ARFGEF3: variants seen among roughly 807,000 people sequenced by gnomAD.
ARFGEF3 encodes ARFGEF family member 3, also known as brefeldin A-inhibited guanine nucleotide-exchange protein 3.
A neutral mutation model predicts 221.7 loss-of-function variants in ARFGEF3; 96 were observed. The ratio of observed to expected loss-of-function variants is 0.43; its 90% CI spans 0.37 to 0.51. ARFGEF3 has a LOEUF of 0.51. ARFGEF3 is among the 20% of genes least tolerant of loss of function. The probability of loss-of-function intolerance (pLI) is 0.00; values close to 1 mark genes in which losing one functional copy is unlikely to be tolerated. For synonymous variants in ARFGEF3, 1,145 were observed against 1,126.8 expected (o/e 1.02, Z -0.32); for missense variants, 2,410 against 2,789.9 (o/e 0.86, Z 3.07).
intron 12 of ARFGEF3, among the ~76,000 whole-genome samples, chr6:138,265,614 G>A (rs1778878483): frequency 6.6e-6 from 1 of 152,030 alleles, no homozygotes; most frequent in Non-Finnish European, 1.5e-5. Flanking sequence ...TTTTGTGCAT[G>A]TTTGTGTCTG....
chr6:138,336,065 A>T (rs1780315856), intron 33 of ARFGEF3, among the ~76,000 whole-genome samples: 2 of 152,168 alleles, frequency 1.3e-5, no homozygotes, highest in South Asian at 4.1e-4. Flanking sequence ...AGTTTGTGAA[A>T]GCTGAAAATA....
At chr6:138,256,493 C>T (rs1263678538) in intron 10 of ARFGEF3, among the ~76,000 whole-genome samples, 2 of 152,116 alleles carry the variant, frequency 1.3e-5, no homozygotes, top group African/African-American at 4.8e-5. Context: ...GCAAAATTCC[C>T]TTGTTGATGA....
chr6:138,271,306 A>T (rs926209160), intron 12 of ARFGEF3, among the ~76,000 whole-genome samples: 2 of 152,238 alleles, frequency 1.3e-5, no homozygotes, highest in Non-Finnish European at 2.9e-5. Context: ...GTCTCTACAA[A>T]AAAAGAAAAC....
chr6:138,232,647 G>A (rs962224519), intron 5 of ARFGEF3, among the ~76,000 whole-genome samples: 1 of 151,986 alleles, frequency 6.6e-6, no homozygotes, highest in Non-Finnish European at 1.5e-5. Flanking sequence ...TTCCTCTAAG[G>A]TTCATAATTT....
chr6:138,169,895 C>T (rs1218649243), intron 1 of ARFGEF3, among the ~76,000 whole-genome samples: 1 of 152,184 alleles, frequency 6.6e-6, no homozygotes, highest in Non-Finnish European at 1.5e-5. Flanking sequence ...TGGGAAGAGA[C>T]ATTTCTCCTT....
rs558711704 is a variant in ARFGEF3 at position 138,292,041 on chromosome 6, C to G, written c.3356C>G (p.Thr1119Arg). The G allele has an allele frequency of 1.4e-6, 2 of 1,450,540 alleles. No individual in the cohort carries two copies. Among genetic ancestry groups the G allele is most frequent in the African/African-American group, 1.5e-5 (1 of 68,092 alleles). 89.9% of individuals were successfully genotyped at this position (1,450,540 alleles called of 1,614,324 possible). The change falls in exon 19 of 34, where the codon ACG (threonine) becomes AGG (arginine). Residue 1119 changes from threonine (T) to arginine (R), a missense_variant. Transcript: ENST00000251691. Reference sequence around the variant, plus strand: ...GCCAAGGTGGTGCTCACCCTCTCCACGCAAGCCGACAGGTGCGCGGCGCCG... The same window carrying G: ...GCCAAGGTGGTGCTCACCCTCTCCAGGCAAGCCGACAGGTGCGCGGCGCCG... ...SAAKVVLTLSTQADRLFEDAT... is the reference protein window; with the variant it reads ...SAAKVVLTLSRQADRLFEDAT...
At position 138,307,274 on chromosome 6, in the gene ARFGEF3, C is replaced by T; in HGVS notation, c.3850C>T (p.Leu1284=). Residue 1284 remains leucine, a synonymous_variant, in exon 23 of 34, where the codon CTG becomes TTG. Transcript: ENST00000251691. ...QDQVVTSIGE[L]VEVCSTQIQS... Reference sequence around the variant, plus strand: ...CCAGGTTGTCACATCCATTGGTGAGCTGGTTGAAGTGTGTTCCACGCAGAT... The same window carrying T: ...CCAGGTTGTCACATCCATTGGTGAGTTGGTTGAAGTGTGTTCCACGCAGAT... The T allele has an allele frequency of 6.2e-7, 1 of 1,613,622 alleles. No homozygotes were observed. The highest frequency in any genetic ancestry group is 1.3e-5 in the African/African-American group (1 of 75,050).
chr6:138,343,304 C>T lies in ARFGEF3; in HGVS notation c.*6818C>T, dbSNP rs1375956244. ...TAAAGACTTCTGCTTAATAAATATGCTGACTTCATTTAAATTAGTTTAGAC... is the reference window on the plus strand; with the variant it reads ...TAAAGACTTCTGCTTAATAAATATGTTGACTTCATTTAAATTAGTTTAGAC... On this transcript the variant is annotated 3_prime_UTR_variant, in exon 34 of 34. Coordinates refer to ENST00000251691, the MANE Select transcript of ARFGEF3 (RefSeq NM_020340.5). 6.6e-6 allele frequency: 1 copy of T among 152,086 alleles called. No individual in the cohort carries two copies. Among genetic ancestry groups the T allele is most frequent in the Non-Finnish European group, 1.5e-5 (1 of 68,020 alleles). 9.4% of individuals were successfully genotyped at this position (152,086 alleles called of 1,614,324 possible).
chr6:138,187,971 G>T (rs1368550037), intron 2 of ARFGEF3, among the ~76,000 whole-genome samples: 1 of 152,150 alleles, frequency 6.6e-6, no homozygotes, highest in African/African-American at 2.4e-5. Flanking sequence ...TCTAGGGAAA[G>T]GAAAAACACC....
At chr6:138,241,267 C>T (rs1380583216) in intron 6 of ARFGEF3, among the ~76,000 whole-genome samples, 1 of 152,182 alleles carries the variant, frequency 6.6e-6, no homozygotes, top group African/African-American at 2.4e-5. Flanking sequence ...CCCATCTTCC[C>T]AGGTGCAGAA....
intron 4 of ARFGEF3, among the ~76,000 whole-genome samples, chr6:138,226,564 G>C (rs553473149): frequency 1.3e-5 from 2 of 150,594 alleles, no homozygotes; most frequent in Non-Finnish European, 3.0e-5. Flanking sequence ...CATCACTCAA[G>C]TTCCTGCTGT....
At chr6:138,297,155 C>A (rs556220609) in intron 21 of ARFGEF3, among the ~76,000 whole-genome samples, 200 bp downstream of exon 21, 2 of 152,244 alleles carry the variant, frequency 1.3e-5, no homozygotes, top group Non-Finnish European at 2.9e-5. Context: ...AAGGGCAGTA[C>A]TACCCTAGTC....
At chr6:138,236,562 C>A (rs1447697848) in intron 5 of ARFGEF3, among the ~76,000 whole-genome samples, 1 of 152,180 alleles carries the variant, frequency 6.6e-6, no homozygotes, top group Non-Finnish European at 1.5e-5. Context: ...GTAGCCTCTA[C>A]CTTCCCAGGC....
intron 6 of ARFGEF3, among the ~76,000 whole-genome samples, chr6:138,241,900 A>G (rs192485695): frequency 6.6e-6 from 1 of 152,296 alleles, no homozygotes; most frequent in Non-Finnish European, 1.5e-5. Flanking sequence ...GTTAAGTTGT[A>G]AGTTACTAAT....
intron 2 of ARFGEF3, among the ~76,000 whole-genome samples, chr6:138,206,465 C>T (rs1449128429): frequency 1.3e-5 from 2 of 151,842 alleles, no homozygotes; most frequent in African/African-American, 2.4e-5. Flanking sequence ...CATTAAGAAC[C>T]TGTCACAAGA....
intron 1 of ARFGEF3, among the ~76,000 whole-genome samples, chr6:138,168,400 A>G (rs888531297): frequency 2.0e-5 from 3 of 152,194 alleles, no homozygotes; most frequent in African/African-American, 4.8e-5. Flanking sequence ...GCAAGGAGCC[A>G]GGGGGCTGGA....
chr6:138,266,289 G>A (rs1374250943), intron 12 of ARFGEF3, among the ~76,000 whole-genome samples: 1 of 151,724 alleles, frequency 6.6e-6, no homozygotes, highest in Non-Finnish European at 1.5e-5. Flanking sequence ...GGGAAGGCAA[G>A]GGAGGGCAGG....
intron 25 of ARFGEF3, among the ~76,000 whole-genome samples, chr6:138,313,241 G>A (rs1342669564): frequency 6.6e-6 from 1 of 152,190 alleles, no homozygotes; most frequent in Non-Finnish European, 1.5e-5. Flanking sequence ...ACGGGTGCCT[G>A]GGCGCTAGTC....
intron 23 of ARFGEF3, among the ~76,000 whole-genome samples, chr6:138,308,044 C>T (rs1263887115): frequency 2.0e-5 from 3 of 152,174 alleles, no homozygotes; most frequent in Admixed American, 2.0e-4. Context: ...ATTCTTCCCC[C>T]AGCAGTGAAA....
Sources: gnomAD v4.1 joint callset for allele counts (sites outside exome capture counted in the v4.1 genomes callset) on GRCh38, gnomAD v4.1.1 for gene constraint, MANE v1.5 for transcripts, NCBI Gene and HGNC (gene_info 2026-07-23, HGNC 2026-07-21) for gene names.